The following SLC25A48 variants were observed in gnomAD, a reference collection of about 807,000 sequenced individuals.
SLC25A48 encodes solute carrier family 25 member 48, also known as CTC-321K16.1.
A neutral mutation model predicts 32.2 loss-of-function variants in SLC25A48; 29 were observed. The observed-to-expected ratio is 0.90, with a 90% CI of 0.67 to 1.23. The LOEUF (loss-of-function observed/expected upper bound fraction) is 1.23, where lower values mean the gene tolerates loss of function less well. Ranked by LOEUF, SLC25A48 falls within the 50% of genes most tolerant of loss-of-function variation. The pLI is 0.00. For missense variants in SLC25A48, 399 were observed against 422.7 expected (o/e 0.94, Z 0.49); for synonymous variants, 164 against 172.3 (o/e 0.95, Z 0.38).
intron 3 of SLC25A48, among the ~76,000 whole-genome samples, chr5:135,691,426 A>G (rs1754141099): frequency 6.6e-6 from 1 of 152,220 alleles, no homozygotes; most frequent in African/African-American, 2.4e-5. Context: ...AAGGTGGGAA[A>G]GAGTCAGGGT....
At chr5:135,602,770 C>T (rs370619690) in intron 1 of SLC25A48, among the ~76,000 whole-genome samples, 2 of 152,144 alleles carry the variant, frequency 1.3e-5, no homozygotes, top group Admixed American at 6.5e-5. Context: ...CCTCTCCCCC[C>T]ACCCCACGAC....
At chr5:135,651,913 T>C (rs575894180) in intron 3 of SLC25A48, among the ~76,000 whole-genome samples, 35 of 152,328 alleles carry the variant, frequency 2.3e-4, no homozygotes, top group Non-Finnish European at 3.5e-4. Context: ...GGAAGATATA[T>C]ATGGATGGAT....
chr5:135,647,206 C>T (rs548404881), intron 3 of SLC25A48, among the ~76,000 whole-genome samples: 66 of 152,228 alleles, frequency 4.3e-4, no homozygotes, highest in African/African-American at 1.5e-3. Flanking sequence ...CTTAAAAAAT[C>T]TCAGAAGCCA....
intron 4 of SLC25A48, among the ~76,000 whole-genome samples, chr5:135,854,069 G>A (rs1760111096): frequency 6.6e-6 from 1 of 152,222 alleles, no homozygotes; most frequent in Non-Finnish European, 1.5e-5. Context: ...TCTTTTCTGA[G>A]CAGTAGGTCT....
intron 3 of SLC25A48, among the ~76,000 whole-genome samples, chr5:135,800,548 A>G (rs953904449): frequency 1.3e-5 from 2 of 151,862 alleles, no homozygotes; most frequent in Admixed American, 1.3e-4. Flanking sequence ...TATAATTCCT[A>G]TATCCAGAGG....
intron 3 of SLC25A48, among the ~76,000 whole-genome samples, chr5:135,775,296 A>T (rs548964786): frequency 2.6e-5 from 4 of 151,856 alleles, no homozygotes; most frequent in South Asian, 4.2e-4. Context: ...ATTCTTTCTA[A>T]CATACAGGGG....
At chr5:135,807,720 CTG>C (rs1159747688) in intron 3 of SLC25A48, among the ~76,000 whole-genome samples, 8 of 149,842 alleles carry the variant, frequency 5.3e-5, no homozygotes, top group Non-Finnish European at 8.9e-5. Flanking sequence ...TGTGTTAACA[CTG>C]TGTGTAAACA....
intron 3 of SLC25A48, among the ~76,000 whole-genome samples, chr5:135,702,930 C>T (rs961719255): frequency 6.6e-6 from 1 of 152,180 alleles, no homozygotes; most frequent in Non-Finnish European, 1.5e-5. Flanking sequence ...CACACAGGAC[C>T]CTCTTCGGGA....
chr5:135,713,133 A>C lies in SLC25A48; in HGVS notation c.-521+78177A>C, dbSNP rs372448547. Reference sequence around the variant, plus strand: ...AGGCCAGTAGCAGTGCCATCACCTGAGAGCTTGTTGGAAATGCAGAATCTC... The same window carrying C: ...AGGCCAGTAGCAGTGCCATCACCTGCGAGCTTGTTGGAAATGCAGAATCTC... On this transcript the variant is annotated intron_variant, in intron 3 of 10. Coordinates refer to the SLC25A48 transcript ENST00000646290. Among the ~76,000 whole-genome samples the C allele has an allele frequency of 7.7e-4, 118 of 152,344 alleles. 1 individual carries two copies. The South Asian group carries it at 0.021, about 27-fold the overall frequency.
rs562588303 is a variant in SLC25A48 at position 135,879,269 on chromosome 5, A to G, written c.814-699A>G. Among the ~76,000 whole-genome samples the G allele has an allele frequency of 1.3e-4, 20 of 152,262 alleles. No individual in the cohort carries two copies. In the South Asian group the frequency reaches 3.7e-3, roughly 28 times the overall value. ...GGGTGATGATGATAATCAGCAGTTA[A>G]TACATGCTTGTACTGTATGCCAGGC... On this transcript the variant is annotated intron_variant, in intron 6 of 7. Transcript: ENST00000681962.
intron 3 of SLC25A48, among the ~76,000 whole-genome samples, chr5:135,788,387 C>T (rs1361604338): frequency 6.8e-6 from 1 of 147,370 alleles, no homozygotes; most frequent in African/African-American, 2.5e-5. Flanking sequence ...TCCATAGTAT[C>T]CAGGGAATTG....
At chr5:135,677,337 C>T (rs1365286969) in intron 3 of SLC25A48, among the ~76,000 whole-genome samples, 1 of 151,622 alleles carries the variant, frequency 6.6e-6, no homozygotes, top group South Asian at 2.1e-4. Flanking sequence ...TAGGTAAAGT[C>T]TATGTTTTTT....
chr5:135,788,306 G>A (rs73789169), intron 3 of SLC25A48, among the ~76,000 whole-genome samples: 35,078 of 147,884 alleles, frequency 0.24, 4,494 homozygotes, highest in East Asian at 0.42. Flanking sequence ...CATATGGTCC[G>A]TAATATCCGG....
In SLC25A48 at chr5:135,775,576, T is replaced by TG. The variant is rs200978835; in HGVS notation, c.-520-36940dup. Among the ~76,000 whole-genome samples the TG allele has an allele frequency of 3.3e-4, 49 of 150,038 alleles. No individual in the cohort carries two copies. The East Asian group carries it at 6.0e-3, about 18-fold the overall frequency. On this transcript the variant is annotated intron_variant, in intron 3 of 10. Coordinates refer to the SLC25A48 transcript ENST00000646290. ...ATGTGATATTGTTCCTAATATCTGG[T>TG]GGGGGGGAAATAATAGTAATCTTAA... is the stretch of plus-strand genomic sequence containing the variant.
At chr5:135,670,093 C>G (rs1393304499) in intron 3 of SLC25A48, among the ~76,000 whole-genome samples, 2 of 152,082 alleles carry the variant, frequency 1.3e-5, no homozygotes, top group African/African-American at 2.4e-5. Context: ...GTTGTAGAAG[C>G]CTTTGTAGAT....
intron 3 of SLC25A48, among the ~76,000 whole-genome samples, chr5:135,796,764 G>C (rs1757191670): frequency 6.6e-6 from 1 of 151,608 alleles, no homozygotes; most frequent in Admixed American, 6.6e-5. Flanking sequence ...CCACCCACTT[G>C]TGATATTGTT....
At chr5:135,872,059 T>A in intron 5 of SLC25A48, 1 of 1,192,600 alleles carries the variant, frequency 8.4e-7, no homozygotes, top group Non-Finnish European at 1.1e-6. Context: ...AGGATGCCAT[T>A]AGTTCTACAA....
chr5:135,673,981 C>G (rs1295524443), intron 3 of SLC25A48, among the ~76,000 whole-genome samples: 1 of 151,942 alleles, frequency 6.6e-6, no homozygotes, highest in Non-Finnish European at 1.5e-5. Context: ...TCTCCTTTCT[C>G]CATTGAATTG....
At chr5:135,763,264 A>G (rs554000213) in intron 3 of SLC25A48, among the ~76,000 whole-genome samples, 71 of 152,254 alleles carry the variant, frequency 4.7e-4, no homozygotes, top group African/African-American at 1.6e-3. Flanking sequence ...CTGTGCTTGG[A>G]GAAATGCTTC....
Sources: gnomAD v4.1 joint callset for allele counts (sites outside exome capture counted in the v4.1 genomes callset) on GRCh38, gnomAD v4.1.1 for gene constraint, MANE v1.5 for transcripts, NCBI Gene and HGNC (gene_info 2026-07-23, HGNC 2026-07-21) for gene names.